Variants in SSH1 observed in about 807,000 individuals in gnomAD.
The protein encoded by SSH1 is protein phosphatase Slingshot homolog 1.
A neutral mutation model predicts 79.7 loss-of-function variants in SSH1; 43 were observed. The ratio of observed to expected loss-of-function variants is 0.54; its 90% CI spans 0.42 to 0.70. The LOEUF (loss-of-function observed/expected upper bound fraction) is 0.70, where lower values mean the gene tolerates loss of function less well. SSH1 is among the 30% of genes least tolerant of loss of function. SSH1 has a pLI of 0.00. For synonymous variants in SSH1, 599 were observed against 538.3 expected (o/e 1.11, Z -1.56); for missense variants, 1,206 against 1,358.8 (o/e 0.89, Z 1.77).
intron 2 of SSH1, among the ~76,000 whole-genome samples, chr12:108,832,915 C>T (rs540302361): frequency 1.3e-5 from 2 of 152,230 alleles, no homozygotes; most frequent in East Asian, 1.9e-4. Flanking sequence ...CTCTGCAGAG[C>T]GTTATACTTA....
At position 108,845,425 on chromosome 12, in the gene SSH1, T is replaced by C. The variant is rs370407964; in HGVS notation, c.110+7213A>G. 3.3e-5 allele frequency among the ~76,000 whole-genome samples: 5 copies of C among 151,668 alleles called. No individual in the cohort carries two copies. In the East Asian group the frequency reaches 9.8e-4, roughly 30 times the overall value. On this transcript the variant is annotated intron_variant, in intron 2 of 14. Transcript: ENST00000326495. Reference sequence around the variant, plus strand: ...GTGGCTGGCCAGGCATGATGGCTCATGCCTGTAATCCCAGCACTTTGGGAG... The same window carrying C: ...GTGGCTGGCCAGGCATGATGGCTCACGCCTGTAATCCCAGCACTTTGGGAG...
intron 13 of SSH1, among the ~76,000 whole-genome samples, chr12:108,798,700 C>CCA: frequency 6.6e-6 from 1 of 152,346 alleles, no homozygotes; most frequent in South Asian, 2.1e-4. Context: ...CGTGCTTACG[C>CCA]CACACACACG....
At chr12:108,835,671 G>A (rs2038586199) in intron 2 of SSH1, among the ~76,000 whole-genome samples, 1 of 151,906 alleles carries the variant, frequency 6.6e-6, no homozygotes, top group Non-Finnish European at 1.5e-5. Context: ...GGGAAGGGCA[G>A]GGCAAGCTTC....
At position 108,799,130 on chromosome 12, in the gene SSH1, A is replaced by G; in HGVS notation, c.1219T>C (p.Tyr407His). ...VSRSASTVIA[Y>H]AMKEFGWPLE... ...GGCCAGCCGAATTCCTTCATTGCAT[A>G]GGCTATGACTGTGGAGGCCGAGCGA... Residue 407 changes from tyrosine (Y) to histidine (H), a missense_variant, in exon 13 of 15, where the codon TAT (tyrosine) becomes CAT (histidine). By Grantham distance (83) the Tyr-to-His change is moderately conservative. Transcript: ENST00000326495. 6.2e-7 allele frequency: 1 copy of G among 1,614,230 alleles called. No individual in the cohort carries two copies. Among genetic ancestry groups the G allele is most frequent in the Non-Finnish European group, 8.5e-7 (1 of 1,180,040 alleles).
rs1217923581 is a variant in SSH1 at position 108,857,151 on chromosome 12, C to T, written c.69+277G>A. On this transcript the variant is annotated intron_variant, in intron 1 of 14. Transcript: ENST00000326495. This position sits in a 1 kb window ranked among gnomAD's most constrained non-coding sequence, Gnocchi z 4.7. ...GCACACACAGTATCCTGCAGACACTCCCAGAGGGGTCGCACTGCATACACA... is the reference window on the plus strand; with the variant it reads ...GCACACACAGTATCCTGCAGACACTTCCAGAGGGGTCGCACTGCATACACA... Among the ~76,000 whole-genome samples the T allele has an allele frequency of 3.9e-5, 6 of 152,352 alleles. No individual in the cohort carries two copies. The highest frequency in any genetic ancestry group is 3.3e-4 in the Admixed American group (5 of 15,310).
At chr12:108,842,760 A>G (rs749779007) in intron 2 of SSH1, among the ~76,000 whole-genome samples, 20 of 152,186 alleles carry the variant, frequency 1.3e-4, no homozygotes, top group Non-Finnish European at 4.4e-5. Context: ...TTTTGGGGTG[A>G]AGAGCACAGG....
chr12:108,839,117 G>A (rs1463153392), intron 2 of SSH1, among the ~76,000 whole-genome samples: 1 of 152,186 alleles, frequency 6.6e-6, no homozygotes, highest in Non-Finnish European at 1.5e-5. Flanking sequence ...AGAATCCCTG[G>A]CATTTGGCAA....
Position 108,789,016 on chromosome 12 carries a change from G to A in SSH1, c.2122C>T (p.Pro708Ser), listed in dbSNP as rs1274216449. 2.5e-6 allele frequency: 4 copies of A among 1,609,004 alleles called. No homozygotes were observed. Among genetic ancestry groups the A allele is most frequent in the Middle Eastern group, 1.7e-4 (1 of 6,052 alleles). ...GGTAGGAACGGGGGAGGTTCGGTTG[G>A]GCCAGAGGCTGGCTTCTCCGGAACA... ...SRVPEKPASGPTEPPPFLPPA... is the reference protein window; with the variant it reads ...SRVPEKPASGSTEPPPFLPPA... Residue 708 changes from proline (P) to serine (S), a missense_variant, in exon 15 of 15, where the codon CCA (proline) becomes TCA (serine). Coordinates refer to ENST00000326495, the MANE Select transcript of SSH1 (RefSeq NM_018984.4).
intron 5 of SSH1, among the ~76,000 whole-genome samples, chr12:108,815,098 G>A (rs1410242681): frequency 6.6e-6 from 1 of 152,194 alleles, no homozygotes; most frequent in African/African-American, 2.4e-5. Context: ...AATGAGCAAG[G>A]TGGTGTACAG....
intron 9 of SSH1, 146 bp from the exon 10 acceptor site, chr12:108,805,330 C>A: frequency 1.2e-6 from 1 of 829,442 alleles, no homozygotes; most frequent in East Asian, 2.6e-5. Flanking sequence ...TTTAGATACA[C>A]GCAACATACA....
Position 108,857,520 on chromosome 12 carries a change from C to T in SSH1, c.-24G>A. 1 of 1,118,620 alleles carries T rather than the reference C, an allele frequency of 8.9e-7. No homozygotes were observed. The highest frequency in any genetic ancestry group is 1.9e-5 in the South Asian group (1 of 53,900). 69.3% of individuals were successfully genotyped at this position (1,118,620 alleles called of 1,614,324 possible). On this transcript the variant is annotated 5_prime_UTR_variant, in exon 1 of 15. Transcript: ENST00000326495. The surrounding 1 kb of genome is among the most constrained non-coding windows in gnomAD (Gnocchi z 4.7). ...ATGGCTGCGGCGCGGTGCGAGGGCGCCACAGACGTCTCGAGCTAGAGCCGC... is the reference window on the plus strand; with the variant it reads ...ATGGCTGCGGCGCGGTGCGAGGGCGTCACAGACGTCTCGAGCTAGAGCCGC...
At chr12:108,832,036 G>A (rs1349279968) in intron 2 of SSH1, among the ~76,000 whole-genome samples, 1 of 152,180 alleles carries the variant, frequency 6.6e-6, no homozygotes, top group Non-Finnish European at 1.5e-5. Context: ...TCTAGTTATA[G>A]AGAGTTTGTC....
intron 2 of SSH1, chr12:108,836,961 T>C (rs776078473): frequency 9.5e-6 from 5 of 524,400 alleles, no homozygotes; most frequent in South Asian, 7.2e-5. Context: ...TCGACCGCAG[T>C]GGCTCATGCC....
intron 12 of SSH1, among the ~76,000 whole-genome samples, chr12:108,799,564 G>A (rs1004760908): frequency 2.7e-4 from 41 of 152,192 alleles, no homozygotes; most frequent in African/African-American, 9.2e-4. Context: ...GCCCTTTCCT[G>A]AGACGAGAGT....
At chr12:108,825,373 C>T (rs1228071668) in intron 2 of SSH1, among the ~76,000 whole-genome samples, 2 of 152,176 alleles carry the variant, frequency 1.3e-5, no homozygotes, top group African/African-American at 4.8e-5. Context: ...TAAAGTATGA[C>T]TCTGGGTGCC....
chr12:108,809,314 G>A (rs149413557), intron 7 of SSH1, among the ~76,000 whole-genome samples: 5 of 151,632 alleles, frequency 3.3e-5, no homozygotes, highest in East Asian at 3.9e-4. Context: ...AAAGTTAGCC[G>A]GGTGTGGTGG....
intron 5 of SSH1, chr12:108,811,697 GAGCGTGCTCACAC>G (rs1018854605): frequency 1.5e-4 from 53 of 362,050 alleles, no homozygotes; most frequent in South Asian, 1.2e-3. Context: ...GCGGCAGGGG[GAGCGTGCTCACAC>G]CGTTCCCGGA....
Position 108,840,488 on chromosome 12 carries a change from G to A in SSH1, c.110+12150C>T, listed in dbSNP as rs577336595. 1.6e-3 allele frequency among the ~76,000 whole-genome samples: 241 copies of A among 151,712 alleles called. 1 individual carries two copies. Among genetic ancestry groups the A allele is most frequent in the African/African-American group, 3.4e-3 (141 of 41,330 alleles). On this transcript the variant is annotated intron_variant, in intron 2 of 14. Transcript: ENST00000326495. ...GCAGAGGTTGCAGTTAGCCGAGATC[G>A]TGCCACTGCACTCTAGCCTGGGTGA...
At chr12:108,809,008 A>G (rs1172701787) in intron 7 of SSH1, among the ~76,000 whole-genome samples, 1 of 150,874 alleles carries the variant, frequency 6.6e-6, no homozygotes, top group Non-Finnish European at 1.5e-5. Context: ...TATTTTTTGT[A>G]TTTTTAGTAC....
Sources: gnomAD v4.1 joint callset for allele counts (sites outside exome capture counted in the v4.1 genomes callset) on GRCh38, gnomAD v4.1.1 for gene constraint, Gnocchi (gnomAD v3.1) non-coding constraint, MANE v1.5 for transcripts, NCBI Gene and HGNC (gene_info 2026-07-23, HGNC 2026-07-21) for gene names.